The following RBBP8 variants were observed in gnomAD, a reference collection of about 807,000 sequenced individuals.
RBBP8 encodes the protein DNA endonuclease RBBP8.
Under a neutral mutation model 108.3 loss-of-function variants are expected in RBBP8, and 88 were observed. The ratio of observed to expected loss-of-function variants is 0.81; its 90% CI spans 0.68 to 0.97. RBBP8 has a LOEUF of 0.97. Among genes scored for constraint, RBBP8 ranks in the 50% least tolerant of loss-of-function variants. The probability of loss-of-function intolerance (pLI) is 0.00; values close to 1 mark genes in which losing one functional copy is unlikely to be tolerated. For missense variants in RBBP8, 1,023 were observed against 1,049.0 expected (o/e 0.98, Z 0.34); for synonymous variants, 332 against 348.2 (o/e 0.95, Z 0.52).
chr18:23,021,318 G>C (rs2046342984), intron 17 of RBBP8, among the ~76,000 whole-genome samples: 1 of 152,194 alleles, frequency 6.6e-6, no homozygotes, highest in African/African-American at 2.4e-5. Flanking sequence ...GGGAAGCTGA[G>C]GCAAGAGAAT....
chr18:23,001,795 C>A, intron 15 of RBBP8, 66 bp downstream of exon 15: 1 of 1,568,818 alleles, frequency 6.4e-7, no homozygotes, highest in Non-Finnish European at 8.8e-7. Flanking sequence ...AGTTATCAAG[C>A]TAATTAACAA....
intron 9 of RBBP8, 70 bp downstream of exon 9, chr18:22,989,388 T>C: frequency 1.7e-6 from 2 of 1,144,752 alleles, no homozygotes; most frequent in Non-Finnish European, 2.6e-6. Flanking sequence ...TCTTAGAGAA[T>C]TAAGCAAGAG....
intron 4 of RBBP8, among the ~76,000 whole-genome samples, chr18:22,951,762 G>A (rs1598654068): frequency 1.3e-5 from 2 of 152,122 alleles, no homozygotes; most frequent in African/African-American, 2.4e-5. Context: ...CCCTCCTCGG[G>A]TTATATTTAC....
At chr18:23,022,355 C>CT in intron 18 of RBBP8, 85 bp downstream of exon 18, 1 of 1,329,504 alleles carries the variant, frequency 7.5e-7, no homozygotes, top group South Asian at 1.3e-5. Context: ...AATCCCAACA[C>CT]TTTGAGAGGC....
intron 6 of RBBP8, among the ~76,000 whole-genome samples, 156 bp downstream of exon 6, chr18:22,975,375 A>G (rs932749348): frequency 3.3e-5 from 5 of 152,178 alleles, no homozygotes; most frequent in African/African-American, 7.2e-5. Flanking sequence ...TTTTGAGAGT[A>G]TAGTGTGAAT....
At chr18:22,946,535 A>T in intron 3 of RBBP8, 49 bp downstream of exon 3, 1 of 1,605,716 alleles carries the variant, frequency 6.2e-7, no homozygotes, top group Admixed American at 1.7e-5. Flanking sequence ...AGTAGTTGAT[A>T]CTGATGTCCA....
At chr18:23,013,103 T>C (rs2046196715) in intron 16 of RBBP8, among the ~76,000 whole-genome samples, 1 of 152,210 alleles carries the variant, frequency 6.6e-6, no homozygotes, top group Non-Finnish European at 1.5e-5. Flanking sequence ...CAAAATATTG[T>C]AATCATCCAA....
At chr18:22,990,024 A>C (rs943917467) in intron 9 of RBBP8, among the ~76,000 whole-genome samples, 2 of 152,214 alleles carry the variant, frequency 1.3e-5, no homozygotes, top group African/African-American at 4.8e-5. Context: ...TTAGTTTTTC[A>C]TTACATATAG....
chr18:22,984,751 A>G, intron 7 of RBBP8, 135 bp from the exon 8 acceptor site: 1 of 539,748 alleles, frequency 1.9e-6, no homozygotes, highest in South Asian at 2.5e-5. Context: ...AATTATGTCA[A>G]TAAAACAGTA....
intron 3 of RBBP8, among the ~76,000 whole-genome samples, chr18:22,948,106 T>C (rs1340455862): frequency 6.6e-6 from 1 of 152,158 alleles, no homozygotes; most frequent in Admixed American, 6.5e-5. Context: ...TGTGTAAATC[T>C]TCAATTTAAT....
Position 22,993,391 on chromosome 18 carries a change from T to C in RBBP8, c.1564T>C (p.Tyr522His), listed in dbSNP as rs140007655. ...AAACAAATTTAGGCAAGTGACTCTT[T>C]ATGAGGCTTTGAAGACCATTCCAAA... ...SKNKFRQVTLYEALKTIPKGF... is the reference protein window; with the variant it reads ...SKNKFRQVTLHEALKTIPKGF... The change falls in exon 11 of 19, where the codon TAT (tyrosine) becomes CAT (histidine). Residue 522 changes from tyrosine to histidine, a missense_variant. Tyr to His is a moderately conservative substitution (Grantham distance 83, BLOSUM62 2). Coordinates refer to ENST00000327155, the MANE Select transcript of RBBP8 (RefSeq NM_002894.3). The C allele has an allele frequency of 7.4e-6, 12 of 1,614,226 alleles. No homozygotes were observed. Among genetic ancestry groups the C allele is most frequent in the South Asian group, 3.3e-5 (3 of 91,086 alleles).
At chr18:22,958,180 G>T (rs935883472) in intron 4 of RBBP8, among the ~76,000 whole-genome samples, 1 of 152,142 alleles carries the variant, frequency 6.6e-6, no homozygotes, top group African/African-American at 2.4e-5. Context: ...CCAGATTTCA[G>T]TCTTTTTTGT....
In RBBP8 at chr18:22,992,833, A is replaced by G. The variant is rs1192833236; in HGVS notation, c.1006A>G (p.Ile336Val). The G allele has an allele frequency of 1.2e-6, 2 of 1,612,370 alleles. No homozygotes were observed. Among genetic ancestry groups the G allele is most frequent in the African/African-American group, 2.7e-5 (2 of 74,888 alleles). ...SSPVFGATSSIKSGLDLNTSL... is the reference protein window; with the variant it reads ...SSPVFGATSSVKSGLDLNTSL... ...TCCTGTATTTGGAGCTACCTCTAGT[A>G]TCAAAAGTGGTTTAGATTTGAATAC... The change falls in exon 11 of 19, where the codon ATC becomes GTC. Residue 336 changes from isoleucine to valine, a missense_variant. Ile to Val is a conservative substitution (Grantham distance 29). Transcript: ENST00000327155.
intron 3 of RBBP8, among the ~76,000 whole-genome samples, chr18:22,920,487 T>C (rs544996185): frequency 6.6e-6 from 1 of 152,328 alleles, no homozygotes; most frequent in African/African-American, 2.4e-5. Context: ...AAATGTAACT[T>C]GAATAACAAA....
intron 17 of RBBP8, among the ~76,000 whole-genome samples, chr18:23,019,356 G>C (rs976416625): frequency 2.6e-5 from 4 of 152,070 alleles, no homozygotes; most frequent in Non-Finnish European, 5.9e-5. Context: ...AGTTTTTCTA[G>C]TTAATTTACC....
intron 4 of RBBP8, chr18:22,950,111 A>T (rs1050076745): frequency 5.8e-6 from 1 of 172,164 alleles, no homozygotes; most frequent in Non-Finnish European, 1.2e-5. Context: ...GAGTCTAGGG[A>T]TCTTCTTTCT....
rs748219926 is a variant in RBBP8, at chr18:22,993,599, G to T, written c.1772G>T (p.Arg591Leu). 8.7e-6 allele frequency: 14 copies of T among 1,614,192 alleles called. No homozygotes were observed. Among genetic ancestry groups the T allele is most frequent in the East Asian group, 6.7e-5 (3 of 44,894 alleles). Residue 591 changes from arginine (R) to leucine (L), a missense_variant, in exon 11 of 19, where the codon CGT (arginine) becomes CTT (leucine). Coordinates refer to ENST00000327155, the MANE Select transcript of RBBP8 (RefSeq NM_002894.3). ...NAVFKIPLRPRESLETENVLD... is the reference protein window; with the variant it reads ...NAVFKIPLRPLESLETENVLD... Reference sequence around the variant, plus strand: ...GTCTTTAAAATTCCTCTACGTCCACGTGAAAGTTTGGAGACTGAGAATGTT... The same window carrying T: ...GTCTTTAAAATTCCTCTACGTCCACTTGAAAGTTTGGAGACTGAGAATGTT...
intron 9 of RBBP8, among the ~76,000 whole-genome samples, chr18:22,989,734 A>G (rs1915553604): frequency 6.6e-6 from 1 of 152,042 alleles, no homozygotes; most frequent in African/African-American, 2.4e-5. Context: ...ATTCACAGAC[A>G]CAGTCATGGA....
intron 3 of RBBP8, among the ~76,000 whole-genome samples, chr18:22,927,115 T>G (rs1250399493): frequency 2.0e-5 from 3 of 152,216 alleles, no homozygotes; most frequent in African/African-American, 7.2e-5. Context: ...ACTTTTCTTT[T>G]GTCTTAAAGT....
Sources: gnomAD v4.1 joint callset for allele counts (sites outside exome capture counted in the v4.1 genomes callset) on GRCh38, gnomAD v4.1.1 for gene constraint, MANE v1.5 for transcripts, NCBI Gene and HGNC (gene_info 2026-07-23, HGNC 2026-07-21) for gene names.